The following SMARCA4 variants were observed in gnomAD, a reference collection of about 807,000 sequenced individuals.
SMARCA4 encodes the protein SWI/SNF related BAF chromatin remodeling complex subunit ATPase 4, also known as SWI/SNF-related matrix-associated actin-dependent regulator of chromatin subfamily A member 4.
SMARCA4 carries 31 observed loss-of-function variants against 193.9 expected under a neutral mutation model. The ratio of observed to expected loss-of-function variants is 0.16; its 90% CI spans 0.12 to 0.22. The LOEUF (loss-of-function observed/expected upper bound fraction) is 0.22. SMARCA4 is among the 10% of genes least tolerant of loss of function. The probability of loss-of-function intolerance (pLI) is 1.00; values close to 1 mark genes in which losing one functional copy is unlikely to be tolerated. For synonymous variants in SMARCA4, 942 were observed against 933.1 expected, an observed-to-expected ratio of 1.01 and a Z score of -0.17; for missense variants, 1,148 against 2,296.0, an observed-to-expected ratio of 0.50 and a Z score of 10.22.
chr19:11,046,117 A>G (rs997495963), intron 30 of SMARCA4, among the ~76,000 whole-genome samples: 1 of 151,434 alleles, frequency 6.6e-6, no homozygotes, highest in Non-Finnish European at 1.5e-5. Context: ...CAGATACTCG[A>G]GAGGCTGAGG....
Position 11,032,720 on chromosome 19 carries a change from C to A in SMARCA4, c.3547-570C>A, listed in dbSNP as rs113222009. 2.7e-3 allele frequency: 451 copies of A among 165,876 alleles called. 3 individuals are homozygous for A. Among genetic ancestry groups the A allele is most frequent in the African/African-American group, 0.01 (433 of 41,790 alleles). 10.3% of individuals were successfully genotyped at this position (165,876 alleles called of 1,614,324 possible). ...TCCACGGCACCTGCATTGTTGGGAGCTAACTGCACCAGTCACTGGGCCACA... is the reference window on the plus strand; with the variant it reads ...TCCACGGCACCTGCATTGTTGGGAGATAACTGCACCAGTCACTGGGCCACA... On this transcript the variant is annotated intron_variant, in intron 25 of 34. Coordinates refer to ENST00000344626, the MANE Select transcript of SMARCA4 (RefSeq NM_003072.5).
chr19:10,984,297 C>G lies in SMARCA4; in HGVS notation c.146C>G (p.Pro49Arg), dbSNP rs1464033862. Residue 49 changes from proline (P) to arginine (R), a missense_variant, in exon 2 of 35, where the codon CCG (proline) becomes CGG (arginine). This residue lies in a region of SMARCA4 where 201 missense variants were observed against 248.3 expected (regional missense o/e 0.81). Transcript: ENST00000344626. The surrounding 1 kb of genome is among the most constrained non-coding windows in gnomAD (Gnocchi z 4.3). ...AHSMMGPSPGPPSAGHPIPTQ... is the reference protein window; with the variant it reads ...AHSMMGPSPGRPSAGHPIPTQ... ...AGCATGATGGGGCCCAGCCCAGGGC[C>G]GCCCTCAGCAGGACACCCCATCCCC... is the stretch of plus-strand genomic sequence containing the variant. 6.2e-7 allele frequency: 1 copy of G among 1,608,136 alleles called. No homozygotes were observed. Among genetic ancestry groups the G allele is most frequent in the Non-Finnish European group, 8.5e-7 (1 of 1,177,722 alleles).
chr19:11,051,621 G>C (rs1237034357), intron 30 of SMARCA4, among the ~76,000 whole-genome samples: 1 of 151,664 alleles, frequency 6.6e-6, no homozygotes, highest in Non-Finnish European at 1.5e-5. Context: ...CTCCCGAGTA[G>C]CTGGGACTAC....
At chr19:10,995,287 G>A (rs537285153) in intron 9 of SMARCA4, 16 of 590,076 alleles carry the variant, frequency 2.7e-5, no homozygotes, top group Middle Eastern at 2.6e-4. Flanking sequence ...GTGAGAGCCA[G>A]GTGGTGTGAT....
chr19:11,008,117 TC>T, intron 14 of SMARCA4, 94 bp downstream of exon 14: 3 of 1,299,470 alleles, frequency 2.3e-6, no homozygotes, highest in Non-Finnish European at 3.3e-6. Context: ...TAGCTGACAT[TC>T]AGCACTGTCC....
At position 11,015,466 on chromosome 19, in the gene SMARCA4, G is replaced by A. The variant is rs78527782; in HGVS notation, c.2438+2354G>A. The stretch of plus-strand genomic sequence containing the variant: ...ATGTGATCGCGTGGAGCAACACCAC[G>A]CCCTGCTTGATGTGCCTTAGCGGGG... On this transcript the variant is annotated intron_variant, in intron 16 of 34. Transcript: ENST00000344626. 7.0e-3 allele frequency among the ~76,000 whole-genome samples: 1,066 copies of A among 152,220 alleles called. 9 individuals are homozygous for A. The highest frequency in any genetic ancestry group is 0.011 in the Non-Finnish European group (758 of 68,026).
Position 10,987,377 on chromosome 19 carries a change from C to A in SMARCA4, c.860-289C>A, listed in dbSNP as rs2086148457. 6.6e-6 allele frequency among the ~76,000 whole-genome samples: 1 copy of A among 152,146 alleles called. No homozygotes were observed. Among genetic ancestry groups the A allele is most frequent in the Non-Finnish European group, 1.5e-5 (1 of 68,026 alleles). On this transcript the variant is annotated intron_variant, in intron 5 of 34. Coordinates refer to ENST00000344626, the MANE Select transcript of SMARCA4 (RefSeq NM_003072.5). The surrounding 1 kb of genome is among the most constrained non-coding windows in gnomAD (Gnocchi z 5.3). ...AATTGCTTCCACTGGATTTAGTTGG[C>A]ACTAGGAGGAGATGACAGGAAATGC... is the stretch of plus-strand genomic sequence containing the variant.
rs2146605833 is a variant in SMARCA4, at chr19:11,030,941, G to A, written c.3546+48G>A. On this transcript the variant is annotated intron_variant, in intron 25 of 34. Coordinates refer to ENST00000344626, the MANE Select transcript of SMARCA4 (RefSeq NM_003072.5). The surrounding 1 kb of genome is among the most constrained non-coding windows in gnomAD (Gnocchi z 5.5). The stretch of plus-strand genomic sequence containing the variant: ...GTCGAGGAGAAGGAAGGGGGTGCCT[G>A]CAAAACCTCGAGGAGACGGCCCTGG... 4 of 1,562,934 alleles carry A rather than the reference G, an allele frequency of 2.6e-6. No homozygotes were observed. Among genetic ancestry groups the A allele is most frequent in the South Asian group, 2.3e-5 (2 of 87,138 alleles).
chr19:11,028,907 C>T (rs766373315), intron 24 of SMARCA4, among the ~76,000 whole-genome samples: 8 of 152,198 alleles, frequency 5.3e-5, no homozygotes, highest in Non-Finnish European at 1.0e-4. Flanking sequence ...TTTGTTGAAG[C>T]TCCTGTGCAA....
intron 1 of SMARCA4, among the ~76,000 whole-genome samples, chr19:10,982,926 GCAGAAACAAGA>G (rs1168611013): frequency 6.6e-6 from 1 of 152,214 alleles, no homozygotes; most frequent in Non-Finnish European, 1.5e-5. Context: ...CCAAAAGGCA[GCAGAAACAAGA>G]CAGATTTGCG....
In SMARCA4 at chr19:11,030,910, C is replaced by T. The variant is rs2146604393; in HGVS notation, c.3546+17C>T. 1 of 1,606,358 alleles carries T rather than the reference C, an allele frequency of 6.2e-7. No homozygotes were observed. Among genetic ancestry groups the T allele is most frequent in the Non-Finnish European group, 8.5e-7 (1 of 1,176,712 alleles). On this transcript the variant is annotated intron_variant, in intron 25 of 34. Transcript: ENST00000344626. This position sits in a 1 kb window ranked among gnomAD's most constrained non-coding sequence, Gnocchi z 5.5. ...CCTCACCAGGTAAAAGCGGGCCGGG[C>T]CCCAGGTCGAGGAGAAGGAAGGGGG...
chr19:10,980,215 C>T (rs141364735), intron 1 of SMARCA4, among the ~76,000 whole-genome samples: 50 of 152,232 alleles, frequency 3.3e-4, no homozygotes, highest in Non-Finnish European at 5.6e-4. Flanking sequence ...TGGTGGCACC[C>T]GCGTTCCTGT....
intron 15 of SMARCA4, chr19:11,010,903 C>G (rs530093246): frequency 2.8e-6 from 1 of 352,436 alleles, no homozygotes; most frequent in African/African-American, 2.1e-5. Context: ...GAGCTCAGAT[C>G]TGGGCATCTG....
At chr19:10,992,609 A>T (rs536287488) in intron 8 of SMARCA4, among the ~76,000 whole-genome samples, 2 of 150,988 alleles carry the variant, frequency 1.3e-5, no homozygotes, top group East Asian at 4.0e-4. Context: ...TTTTTTTGAG[A>T]CAGAGTTTCA....
At chr19:11,059,309 T>G (rs1255922628) in intron 32 of SMARCA4, 1 of 304,396 alleles carries the variant, frequency 3.3e-6, no homozygotes, top group East Asian at 8.4e-5. Flanking sequence ...TTCTTTCCTG[T>G]GATAGAATTG....
chr19:11,044,084 A>T (rs951892674), intron 30 of SMARCA4, among the ~76,000 whole-genome samples: 1 of 152,282 alleles, frequency 6.6e-6, no homozygotes, highest in Middle Eastern at 3.4e-3. Context: ...GAAACTTAAC[A>T]TTACCAACCT....
rs1416782484 is a variant in SMARCA4 at position 11,059,797 on chromosome 19, G to A, written c.4680G>A (p.Val1560=). 1.2e-6 allele frequency: 2 copies of A among 1,608,576 alleles called. No homozygotes were observed. The highest frequency in any genetic ancestry group is 2.2e-5 in the South Asian group (2 of 90,166). ...TCTTGCAGTCGGTCTTCACCAGCGTGCGGCAGAAAATCGAGAAGGAGGATG... is the reference window on the plus strand; with the variant it reads ...TCTTGCAGTCGGTCTTCACCAGCGTACGGCAGAAAATCGAGAAGGAGGATG... The part of the protein sequence containing the change: ...SIVLQSVFTS[V]RQKIEKEDDS... Residue 1560 remains valine, a synonymous_variant, in exon 33 of 35, where the codon GTG becomes GTA. Transcript: ENST00000344626.
Position 11,060,156 on chromosome 19 carries a change from G to A in SMARCA4, c.4880G>A (p.Ser1627Asn), listed in dbSNP as rs2076781506. Reference protein sequence around the residue: ...SRGSRAKPVVSDDDSEEEQEE... With the variant: ...SRGSRAKPVVNDDDSEEEQEE... ...GGGTCCCGAGCCAAGCCGGTCGTGA[G>A]TGACGATGACAGTGAGGAGGAACAA... is the stretch of plus-strand genomic sequence containing the variant. The change falls in exon 34 of 35, where the codon AGT becomes AAT. Residue 1627 changes from serine to asparagine, a missense_variant. Physicochemically the swap from Ser to Asn is conservative, Grantham distance 46. This residue lies in a region of SMARCA4 where 105 missense variants were observed against 133.7 expected (regional missense o/e 0.79). Coordinates refer to ENST00000344626, the MANE Select transcript of SMARCA4 (RefSeq NM_003072.5). 1 of 1,551,246 alleles carries A rather than the reference G, an allele frequency of 6.4e-7. No individual in the cohort carries two copies. The highest frequency in any genetic ancestry group is 8.7e-7 in the Non-Finnish European group (1 of 1,146,722).
intron 30 of SMARCA4, among the ~76,000 whole-genome samples, chr19:11,044,334 G>A (rs1318106119): frequency 1.3e-5 from 2 of 152,168 alleles, no homozygotes; most frequent in South Asian, 2.1e-4. Context: ...GGAGCCAAAA[G>A]CCACTAATCA....
Sources: allele counts gnomAD v4.1 joint callset (sites outside exome capture counted in the v4.1 genomes callset), GRCh38; gene constraint gnomAD v4.1.1; regional missense constraint gnomAD v4.1.1; non-coding constraint Gnocchi (gnomAD v3.1); transcripts MANE v1.5; gene names NCBI Gene and HGNC (gene_info 2026-07-23, HGNC 2026-07-21).